Variants in ZNF808 observed in about 807,000 individuals in gnomAD.
ZNF808 encodes zinc finger protein 808.
A neutral mutation model predicts 8.7 loss-of-function variants in ZNF808; 5 were observed. The ratio of observed to expected loss-of-function variants is 0.58; its 90% CI spans 0.30 to 1.21. The LOEUF is 1.21. ZNF808 is among the 50% of genes most tolerant of loss of function. ZNF808 has a pLI of 0.07. For missense variants in ZNF808, 1,103 were observed against 1,098.4 expected, an observed-to-expected ratio of 1.00 and a Z score of -0.06; for synonymous variants, 380 against 366.0, an observed-to-expected ratio of 1.04 and a Z score of -0.44.
chr19:52,528,128 C>A (rs1487589309), intron 1 of ZNF808, among the ~76,000 whole-genome samples: 2 of 152,226 alleles, frequency 1.3e-5, no homozygotes, highest in Non-Finnish European at 2.9e-5. Context: ...GTCCTGGGAT[C>A]TTGCAGACCC....
downstream of ZNF808, among the ~76,000 whole-genome samples, chr19:52,557,646 A>G (rs1323692167): frequency 6.6e-6 from 1 of 152,234 alleles, no homozygotes; most frequent in African/African-American, 2.4e-5. Context: ...TTCAAGGTCA[A>G]TAGCTGTGTG....
intron 3 of ZNF808, among the ~76,000 whole-genome samples, chr19:52,546,339 C>G (rs2059719959): frequency 6.6e-6 from 1 of 152,012 alleles, no homozygotes; most frequent in Non-Finnish European, 1.5e-5. Flanking sequence ...AGGCACCCAC[C>G]ACCACACCCA....
At chr19:52,562,264 G>A (rs1486631465) in intron 3 of ZNF808, among the ~76,000 whole-genome samples, 5 of 152,160 alleles carry the variant, frequency 3.3e-5, no homozygotes, top group Non-Finnish European at 7.3e-5. Flanking sequence ...TGAAATCTCA[G>A]CTGCATGGGA....
At chr19:52,529,112 ACGCCTGTAGTCTC>A (rs1383600629) in intron 1 of ZNF808, among the ~76,000 whole-genome samples, 3 of 152,040 alleles carry the variant, frequency 2.0e-5, no homozygotes, top group Non-Finnish European at 4.4e-5. Context: ...ACAGTGGCTC[ACGCCTGTAGTCTC>A]CACACTTTAG....
intron 4 of ZNF808, among the ~76,000 whole-genome samples, chr19:52,549,603 C>A (rs1233075850): frequency 1.3e-5 from 2 of 151,990 alleles, no homozygotes; most frequent in African/African-American, 2.4e-5. Flanking sequence ...CACTTTCGTC[C>A]AAGCTCAAGA....
chr19:52,558,605 C>T (rs940012366), downstream of ZNF808, among the ~76,000 whole-genome samples: 2 of 151,884 alleles, frequency 1.3e-5, no homozygotes, highest in African/African-American at 4.8e-5. Flanking sequence ...CTCCTGACCT[C>T]GTGATCCGCC....
chr19:52,562,561 T>C (rs8103262), intron 3 of ZNF808, among the ~76,000 whole-genome samples: 48,920 of 152,050 alleles, frequency 0.32, 8,282 homozygotes, highest in African/African-American at 0.39. Context: ...GCCTGCATCA[T>C]ATTTTTTATG....
At chr19:52,549,577 T>C in intron 4 of ZNF808, among the ~76,000 whole-genome samples, 1 of 152,126 alleles carries the variant, frequency 6.6e-6, no homozygotes, top group Non-Finnish European at 1.5e-5. Flanking sequence ...TATTTTAACA[T>C]TTGCTCAATT....
rs745762163 is a variant in ZNF808, at chr19:52,553,366, G to A, written c.450G>A (p.Lys150=). ...DQHDHRHAGN[K]PIKDQLGSSF... is the part of the protein sequence containing the mutation. ...ATGATCACAGGCATGCTGGAAACAAGCCTATTAAAGATCAGCTTGGATCAA... is the reference window on the plus strand; with the variant it reads ...ATGATCACAGGCATGCTGGAAACAAACCTATTAAAGATCAGCTTGGATCAA... Residue 150 remains lysine, a synonymous_variant, in exon 5 of 5, where the codon AAG becomes AAA. Transcript: ENST00000359798. 1.9e-6 allele frequency: 3 copies of A among 1,614,162 alleles called. No individual in the cohort carries two copies. Among genetic ancestry groups the A allele is most frequent in the South Asian group, 2.2e-5 (2 of 91,086 alleles).
rs746335021 is a variant in ZNF808 at position 52,554,404 on chromosome 19, A to G, written c.1488A>G (p.Ser496=). Residue 496 remains serine, a synonymous_variant, in exon 5 of 5, where the codon TCA becomes TCG. Coordinates refer to ENST00000359798, the MANE Select transcript of ZNF808 (RefSeq NM_001039886.4). ...GTCGCAAGACCTTCAGCCGCAGGTC[A>G]TCCCTTCTATGCCATCGTAGACTTC... ...NECRKTFSRR[S]SLLCHRRLHS... The G allele has an allele frequency of 1.9e-6, 3 of 1,614,020 alleles. No individual in the cohort carries two copies. Among genetic ancestry groups the G allele is most frequent in the Non-Finnish European group, 2.5e-6 (3 of 1,180,002 alleles).
chr19:52,551,660 CT>C (rs1338794859), intron 4 of ZNF808, among the ~76,000 whole-genome samples: 15 of 152,016 alleles, frequency 9.9e-5, no homozygotes, highest in African/African-American at 3.6e-4. Flanking sequence ...TTACATATGG[CT>C]TTTCGGTATG....
Position 52,553,688 on chromosome 19 carries a change from C to T in ZNF808, c.772C>T (p.Gln258Ter), listed in dbSNP as rs1276761817. 5.0e-6 allele frequency: 8 copies of T among 1,613,976 alleles called. No individual in the cohort carries two copies. Among genetic ancestry groups the T allele is most frequent in the Non-Finnish European group, 6.8e-6 (8 of 1,179,994 alleles). Residue 258 changes from glutamine to a stop codon, truncating the protein, a stop_gained, in exon 5 of 5, where the codon CAA becomes TAA. Coordinates refer to ENST00000359798, the MANE Select transcript of ZNF808 (RefSeq NM_001039886.4). LOFTEE classifies it low-confidence loss of function (END_TRUNC). Reference sequence around the variant, plus strand: ...CCAGATACCCCATTTAGGAGACAAACAATATAAATGTGATGTATGTGGCAA... The same window carrying T: ...CCAGATACCCCATTTAGGAGACAAATAATATAAATGTGATGTATGTGGCAA... ...KHQIPHLGDK[Q>*]YKCDVCGKLF...
At chr19:52,558,721 C>G (rs1407778740), downstream of ZNF808, among the ~76,000 whole-genome samples, 2 of 152,160 alleles carry the variant, frequency 1.3e-5, no homozygotes, top group African/African-American at 2.4e-5. Flanking sequence ...AGAGATCAGA[C>G]TGTTACTGTG....
chr19:52,533,166 G>A (rs1254781533), intron 2 of ZNF808, among the ~76,000 whole-genome samples, 157 bp downstream of exon 2: 1 of 152,138 alleles, frequency 6.6e-6, no homozygotes, highest in Admixed American at 6.6e-5. Context: ...TTCTGAGGTA[G>A]TATGTTTTCT....
At chr19:52,537,929 T>C (rs1424295035) in intron 2 of ZNF808, among the ~76,000 whole-genome samples, 2 of 152,136 alleles carry the variant, frequency 1.3e-5, no homozygotes, top group East Asian at 1.9e-4. Context: ...TGACATTCAA[T>C]TGTGGGTCAC....
intron 2 of ZNF808, among the ~76,000 whole-genome samples, chr19:52,541,238 C>T (rs551166503): frequency 1.3e-5 from 2 of 151,784 alleles, no homozygotes; most frequent in Admixed American, 1.3e-4. Flanking sequence ...ATGTGATCCA[C>T]CCCGCCTGGC....
At chr19:52,564,396 G>A in exon 4 of ZNF808, 1 of 375,844 alleles carries the variant, frequency 2.7e-6, no homozygotes, top group Non-Finnish European at 4.8e-6. Context: ...GGTGGGTTCA[G>A]TAATAAACAT....
At chr19:52,560,070 T>G (rs1045149950), downstream of ZNF808, among the ~76,000 whole-genome samples, 11 of 152,334 alleles carry the variant, frequency 7.2e-5, no homozygotes, top group African/African-American at 2.6e-4. Context: ...GTGAGGTGGC[T>G]CACGCCTGTA....
intron 2 of ZNF808, among the ~76,000 whole-genome samples, chr19:52,540,024 T>G (rs561455689): frequency 6.6e-6 from 1 of 151,944 alleles, no homozygotes; most frequent in African/African-American, 2.4e-5. Context: ...TTTAGATATA[T>G]GTATTTATTT....
Sources: allele counts gnomAD v4.1 joint callset (sites outside exome capture counted in the v4.1 genomes callset), GRCh38; gene constraint gnomAD v4.1.1; transcripts MANE v1.5; gene names NCBI Gene and HGNC (gene_info 2026-07-23, HGNC 2026-07-21).